PLS3: variants seen among roughly 807,000 people sequenced by gnomAD.
PLS3 encodes plastin-3.
Under a neutral mutation model 46.5 loss-of-function variants are expected in PLS3, and 11 were observed. The ratio of observed to expected loss-of-function variants is 0.24; its 90% CI spans 0.15 to 0.39. PLS3 has a LOEUF of 0.39. Among genes scored for constraint, PLS3 ranks in the 10% least tolerant of loss-of-function variants. The pLI, the probability that PLS3 is intolerant of heterozygous loss-of-function variation, is 1.00. For synonymous variants in PLS3, 167 were observed against 162.2 expected (o/e 1.03, Z -0.22); for missense variants, 308 against 461.8 (o/e 0.67, Z 3.05).
At chrX:115,644,513 C>T (rs1269620757) in intron 10 of PLS3, among the ~76,000 whole-genome samples, 3 of 110,538 alleles carry the variant, frequency 2.7e-5, no homozygotes, top group African/African-American at 9.9e-5. Context: ...AGGAGAATCC[C>T]TTGAACCTGG....
At chrX:115,619,257 A>T (rs2074625936) in intron 2 of PLS3, among the ~76,000 whole-genome samples, 1 of 112,364 alleles carries the variant, frequency 8.9e-6, no homozygotes. Flanking sequence ...GCAAATTAAT[A>T]GCCAAGTTGA....
intron 5 of PLS3, among the ~76,000 whole-genome samples, chrX:115,630,412 C>T (rs1221906916): frequency 2.7e-5 from 3 of 110,269 alleles, no homozygotes; most frequent in Admixed American, 1.0e-4. Flanking sequence ...CACTGCCAGT[C>T]GATGTTCCAA....
intron 5 of PLS3, among the ~76,000 whole-genome samples, chrX:115,631,065 T>G (rs1569528534): frequency 2.0e-5 from 2 of 98,775 alleles, no homozygotes; most frequent in African/African-American, 7.7e-5. Flanking sequence ...ATATATATGT[T>G]GTGTGTGTGA....
chrX:115,620,706 CTTTTTTTTTT>C (rs1176959674), intron 2 of PLS3, among the ~76,000 whole-genome samples: 3 of 54,732 alleles, frequency 5.5e-5, no homozygotes, highest in African/African-American at 1.6e-4. Context: ...TTTTTCTTTT[CTTTTTTTTTT>C]TTTTTTTTTT....
chrX:115,634,649 A>G lies in PLS3; in HGVS notation c.583-232A>G, dbSNP rs965597579. On this transcript the variant is annotated intron_variant, in intron 6 of 15. Coordinates refer to ENST00000355899, the MANE Select transcript of PLS3 (RefSeq NM_005032.7). The stretch of plus-strand genomic sequence containing the variant: ...CAAAAGGTACCAAATAAAAATACAA[A>G]GTTAACTTCTCATGAGATTCTGCAA... Among the ~76,000 whole-genome samples, 5 of 112,408 alleles carry G rather than the reference A, an allele frequency of 4.4e-5. No individual in the cohort carries two copies. In the Admixed American group the frequency reaches 4.7e-4, roughly 11 times the overall value.
chrX:115,575,046 C>T (rs782251286), intron 1 of PLS3, among the ~76,000 whole-genome samples: 21 of 111,901 alleles, frequency 1.9e-4, no homozygotes, highest in African/African-American at 6.8e-4. Flanking sequence ...TGAACTATTT[C>T]CTGTCTCCAT....
intron 1 of PLS3, among the ~76,000 whole-genome samples, chrX:115,576,616 G>A (rs1556631237): frequency 9.0e-6 from 1 of 111,581 alleles, no homozygotes. Context: ...AGATTCACCA[G>A]ATCAAAACAG....
chrX:115,640,379 A>G (rs1556640842), intron 8 of PLS3, 29 bp from the exon 9 acceptor site: 7 of 947,495 alleles, frequency 7.4e-6, no homozygotes, highest in Non-Finnish European at 9.2e-6. Flanking sequence ...TGTAACTGTG[A>G]TCTCACTGAC....
At chrX:115,640,350 A>G (rs912266536) in intron 8 of PLS3, 58 bp from the exon 9 acceptor site, 3 of 789,489 alleles carry the variant, frequency 3.8e-6, no homozygotes, top group Middle Eastern at 2.8e-4. Context: ...ACATGGGACA[A>G]TAGGATACAT....
chrX:115,608,636 G>C (rs1265627708), intron 1 of PLS3, among the ~76,000 whole-genome samples: 1 of 111,857 alleles, frequency 8.9e-6, no homozygotes, highest in Admixed American at 9.5e-5. Flanking sequence ...TATTCTTACT[G>C]TACCTTTTCT....
intron 1 of PLS3, among the ~76,000 whole-genome samples, chrX:115,589,432 C>T (rs782079793): frequency 8.9e-6 from 1 of 111,890 alleles, no homozygotes; most frequent in Non-Finnish European, 1.9e-5. Flanking sequence ...CAATATAGTC[C>T]CAAAATTACA....
chrX:115,598,299 A>C lies in PLS3; in HGVS notation c.-8-11944A>C, dbSNP rs1306329532. Among the ~76,000 whole-genome samples the C allele has an allele frequency of 2.7e-5, 3 of 109,554 alleles. No individual in the cohort carries two copies. The Admixed American group carries it at 3.0e-4, about 11-fold the overall frequency. On this transcript the variant is annotated intron_variant, in intron 1 of 15. Transcript: ENST00000355899. ...CACAGCGAGATTCTATTTCAAAAAA[A>C]AAAAAAAAAGAAGAAGGAGAAGAAG...
chrX:115,561,371 G>C (rs916686976), intron 1 of PLS3, 111 bp downstream of exon 1: 6 of 110,636 alleles, frequency 5.4e-5, no homozygotes, highest in Non-Finnish European at 9.5e-5. Flanking sequence ...AACGTGCGGC[G>C]CACCGTGGGG....
At chrX:115,646,760 TAGGA>T (rs1340461661) in intron 13 of PLS3, among the ~76,000 whole-genome samples, 1 of 112,277 alleles carries the variant, frequency 8.9e-6, no homozygotes, top group Non-Finnish European at 1.9e-5. Flanking sequence ...TTTTAAAAAA[TAGGA>T]AGCCTGACAC....
At chrX:115,590,429 C>T (rs1013800150) in intron 1 of PLS3, among the ~76,000 whole-genome samples, 9 of 111,140 alleles carry the variant, frequency 8.1e-5, no homozygotes, top group Non-Finnish European at 1.1e-4. Context: ...CGCTCCCCAC[C>T]GCCCCCGTCA....
chrX:115,596,665 C>T (rs782408703), intron 1 of PLS3, among the ~76,000 whole-genome samples: 1 of 110,486 alleles, frequency 9.1e-6, no homozygotes, highest in Non-Finnish European at 1.9e-5. Flanking sequence ...GGTGAAACCC[C>T]GTCTCTCCTA....
At chrX:115,627,949 G>A (rs1218550527) in intron 3 of PLS3, among the ~76,000 whole-genome samples, 1 of 111,951 alleles carries the variant, frequency 8.9e-6, no homozygotes, top group South Asian at 3.7e-4. Context: ...AAGGTAACAG[G>A]AAAAAATGAC....
chrX:115,574,151 A>G (rs1225909254), intron 1 of PLS3, among the ~76,000 whole-genome samples: 2 of 111,922 alleles, frequency 1.8e-5, no homozygotes, highest in South Asian at 3.7e-4. Context: ...GCCATGTACC[A>G]TGGGAAAGAG....
At position 115,649,612 on chromosome X, in the gene PLS3, G is replaced by T. The variant is rs376407795; in HGVS notation, c.*51G>T. ...ATGCTCCCAGGTGCATGATTCGCAG[G>T]TCAGCTATTTCCAGGTGAAGTGCTT... On this transcript the variant is annotated 3_prime_UTR_variant, in exon 16 of 16. Transcript: ENST00000355899. The T allele has an allele frequency of 2.9e-5, 33 of 1,124,795 alleles. No homozygotes were observed. Among genetic ancestry groups the T allele is most frequent in the Middle Eastern group, 2.5e-4 (1 of 4,010 alleles). 92.7% of individuals were successfully genotyped at this position (1,124,795 alleles called of 1,213,427 possible).
Sources: allele counts gnomAD v4.1 joint callset (sites outside exome capture counted in the v4.1 genomes callset), GRCh38; gene constraint gnomAD v4.1.1; transcripts MANE v1.5; gene names NCBI Gene and HGNC (gene_info 2026-07-23, HGNC 2026-07-21).